Variants in BABAM2 observed in about 807,000 individuals in gnomAD.
BABAM2 encodes the protein BRISC and BRCA1-A complex member 2.
BABAM2 carries 31 observed loss-of-function variants against 54.7 expected under a neutral mutation model. The ratio of observed to expected loss-of-function variants is 0.57; its 90% confidence interval spans 0.43 to 0.77. The LOEUF (loss-of-function observed/expected upper bound fraction) is 0.77, where lower values mean the gene tolerates loss of function less well. Among genes scored for constraint, BABAM2 ranks in the 30% least tolerant of loss-of-function variants. The pLI, the probability that BABAM2 is intolerant of heterozygous loss-of-function variation, is 0.00. For synonymous variants in BABAM2, 167 were observed against 162.9 expected (o/e 1.03, Z -0.19); for missense variants, 364 against 455.8 (o/e 0.80, Z 1.83).
At chr2:28,159,855 G>T (rs956401879) in intron 7 of BABAM2, among the ~76,000 whole-genome samples, 9 of 149,222 alleles carry the variant, frequency 6.0e-5, no homozygotes, top group African/African-American at 2.2e-4. Context: ...CAGCCTGGGC[G>T]ACAGAGCAAA....
At chr2:27,971,932 G>GC in intron 3 of BABAM2, among the ~76,000 whole-genome samples, 1 of 152,178 alleles carries the variant, frequency 6.6e-6, no homozygotes, top group Admixed American at 6.5e-5. Flanking sequence ...AAAATTTTCT[G>GC]CAGTAGAATA....
Position 28,338,497 on chromosome 2 carries a change from C to T in BABAM2, c.1136C>T (p.Ala379Val), listed in dbSNP as rs1264465715. The T allele has an allele frequency of 5.6e-6, 9 of 1,614,038 alleles. No individual in the cohort carries two copies. The highest frequency in any genetic ancestry group is 2.2e-5 in the East Asian group (1 of 44,900). Reference sequence around the variant, plus strand: ...CCTCAGTTCCAGGAGGCAGCATTTGCCAATGGAAAGCTCTAGGAAACACCA... The same window carrying T: ...CCTCAGTTCCAGGAGGCAGCATTTGTCAATGGAAAGCTCTAGGAAACACCA... ...FVPQFQEAAF[A>V]NGKL The change falls in exon 12 of 12, where the codon GCC becomes GTC. Residue 379 changes from alanine to valine, a missense_variant. Transcript: ENST00000379624.
At chr2:27,890,395 C>A (rs75602512), upstream of BABAM2, 2,792 of 1,554,032 alleles carry the variant, frequency 1.8e-3, 33 homozygotes, top group African/African-American at 0.033. The surrounding 1 kb of genome is among the most constrained non-coding windows in gnomAD (Gnocchi z 4.8). Flanking sequence ...TGCCCTTTGC[C>A]CGACCCCGTA....
intron 1 of BABAM2, among the ~76,000 whole-genome samples, 152 bp from the exon 2 acceptor site, chr2:27,894,381 T>C (rs1665116777): frequency 6.6e-6 from 1 of 152,234 alleles, no homozygotes; most frequent in African/African-American, 2.4e-5. Flanking sequence ...TGGTTTCTTC[T>C]GGAGGATCAT....
At chr2:28,188,007 C>A (rs571919350) in intron 7 of BABAM2, among the ~76,000 whole-genome samples, 1 of 152,114 alleles carries the variant, frequency 6.6e-6, no homozygotes, top group Admixed American at 6.6e-5. Context: ...TTACTTTTGT[C>A]ATTTAAAAGG....
chr2:28,207,980 A>G (rs1679050983), intron 7 of BABAM2, among the ~76,000 whole-genome samples: 1 of 152,132 alleles, frequency 6.6e-6, no homozygotes, highest in South Asian at 2.1e-4. Context: ...GAGAATACAT[A>G]TTTCCTAAGC....
At chr2:28,187,703 C>T (rs569791153) in intron 7 of BABAM2, among the ~76,000 whole-genome samples, 186 of 134,226 alleles carry the variant, frequency 1.4e-3, no homozygotes, top group Middle Eastern at 5.4e-3. Context: ...AGTCTCTCTC[C>T]TGTGGCCCAG....
intron 7 of BABAM2, among the ~76,000 whole-genome samples, chr2:28,138,586 G>C (rs1298718463): frequency 6.6e-6 from 1 of 152,122 alleles, no homozygotes; most frequent in East Asian, 1.9e-4. Context: ...TCTCATGCTA[G>C]AATAGTCATT....
chr2:27,959,625 A>G (rs1185008637), intron 3 of BABAM2, among the ~76,000 whole-genome samples: 4 of 151,420 alleles, frequency 2.6e-5, no homozygotes, highest in Admixed American at 2.6e-4. Flanking sequence ...TTCTTTCTCT[A>G]CTTCTTCCCT....
intron 4 of BABAM2, among the ~76,000 whole-genome samples, chr2:28,005,078 T>C (rs956453553): frequency 5.3e-5 from 8 of 152,176 alleles, no homozygotes; most frequent in Admixed American, 4.6e-4. Context: ...ACAGATTAAA[T>C]TAAAAAGCAT....
At chr2:28,004,309 C>A (rs1332968640) in intron 4 of BABAM2, among the ~76,000 whole-genome samples, 1 of 152,148 alleles carries the variant, frequency 6.6e-6, no homozygotes, top group Admixed American at 6.5e-5. Context: ...AATCCTTTAA[C>A]CACAGAATGG....
rs543261283 is a variant in BABAM2 at position 28,069,571 on chromosome 2, A to G, written c.570+23772A>G. On this transcript the variant is annotated intron_variant, in intron 6 of 11. Transcript: ENST00000379624. ...ATTCCATTAAGATTGCCCTGCTACCATGAGAATTGTGGTGCTACTTTCGAG... is the reference window on the plus strand; with the variant it reads ...ATTCCATTAAGATTGCCCTGCTACCGTGAGAATTGTGGTGCTACTTTCGAG... Among the ~76,000 whole-genome samples the G allele has an allele frequency of 3.2e-3, 492 of 152,280 alleles. 6 individuals carry two copies. The highest frequency in any genetic ancestry group is 3.4e-3 in the Middle Eastern group (1 of 294).
chr2:28,158,521 A>C (rs1457126176), intron 7 of BABAM2, among the ~76,000 whole-genome samples: 1 of 152,256 alleles, frequency 6.6e-6, no homozygotes, highest in East Asian at 1.9e-4. Flanking sequence ...ACTATCTGCC[A>C]CCATGCTAAA....
chr2:28,026,803 A>T (rs1333547649), intron 5 of BABAM2, among the ~76,000 whole-genome samples: 8 of 101,206 alleles, frequency 7.9e-5, no homozygotes, highest in African/African-American at 3.5e-4. Context: ...ATTTATATAA[A>T]AAATATATAA....
intron 4 of BABAM2, among the ~76,000 whole-genome samples, chr2:28,004,761 C>A (rs1673836970): frequency 6.6e-6 from 1 of 151,712 alleles, no homozygotes; most frequent in Non-Finnish European, 1.5e-5. Flanking sequence ...ACAATCACAG[C>A]TCACTGCTGC....
chr2:28,310,757 G>A (rs542673644), intron 11 of BABAM2, among the ~76,000 whole-genome samples: 18 of 152,084 alleles, frequency 1.2e-4, no homozygotes, highest in African/African-American at 2.7e-4. Context: ...GATGGCGGGC[G>A]TCTGTAATCC....
chr2:28,030,150 C>A (rs1043165728), intron 5 of BABAM2, among the ~76,000 whole-genome samples: 1 of 152,032 alleles, frequency 6.6e-6, no homozygotes, highest in Non-Finnish European at 1.5e-5. Context: ...CCGTTTGTTA[C>A]CTAATAATTT....
chr2:28,112,151 C>CTTTCTTTCTTTCCT (rs1261759583), intron 6 of BABAM2, among the ~76,000 whole-genome samples: 1 of 19,606 alleles, frequency 5.1e-5, no homozygotes, highest in Admixed American at 6.1e-4. Context: ...CTTTCTTTAC[C>CTTTCTTTCTTTCCT]TCCCTCCCTC....
intron 7 of BABAM2, among the ~76,000 whole-genome samples, chr2:28,194,333 C>G (rs1041975824): frequency 9.2e-5 from 14 of 152,030 alleles, no homozygotes; most frequent in African/African-American, 3.4e-4. Context: ...CTCTCAGCTC[C>G]CAGAGTTCCT....
Sources: allele counts gnomAD v4.1 joint callset (sites outside exome capture counted in the v4.1 genomes callset), GRCh38; gene constraint gnomAD v4.1.1; non-coding constraint Gnocchi (gnomAD v3.1); transcripts MANE v1.5; gene names NCBI Gene and HGNC (gene_info 2026-07-23, HGNC 2026-07-21).